Variants in NAAA observed in about 807,000 individuals in gnomAD.
The protein encoded by NAAA is N-acylethanolamine acid amidase.
NAAA carries 39 observed loss-of-function variants against 44.8 expected under a neutral mutation model. The observed-to-expected ratio is 0.87, with a 90% confidence interval of 0.67 to 1.14. The LOEUF (loss-of-function observed/expected upper bound fraction) is 1.14. NAAA is among the 50% of genes most tolerant of loss of function. The probability of loss-of-function intolerance (pLI) is 0.00; values close to 1 mark genes in which losing one functional copy is unlikely to be tolerated. For synonymous variants in NAAA, 178 were observed against 191.3 expected (o/e 0.93, Z 0.58); for missense variants, 460 against 467.8 (o/e 0.98, Z 0.15).
At chr4:75,924,610 C>T (rs896073384) in intron 5 of NAAA, among the ~76,000 whole-genome samples, 4 of 152,198 alleles carry the variant, frequency 2.6e-5, no homozygotes, top group Non-Finnish European at 2.9e-5. Flanking sequence ...AATGTGTTTG[C>T]TTTGCTAGTT....
chr4:75,921,355 C>T (rs572481563), intron 5 of NAAA, among the ~76,000 whole-genome samples: 1 of 152,232 alleles, frequency 6.6e-6, no homozygotes, highest in South Asian at 2.1e-4. Context: ...GAACTGTTGA[C>T]AAGCCCTAGG....
rs756840514 is a variant in NAAA at position 75,921,102 on chromosome 4, A to G, written c.688T>C (p.Phe230Leu). The G allele has an allele frequency of 9.5e-6, 15 of 1,583,154 alleles. No homozygotes were observed. Among genetic ancestry groups the G allele is most frequent in the Non-Finnish European group, 1.2e-5 (14 of 1,170,460 alleles). ...GCCAACTTGCCAACAGCTGCTTCGA[A>G]GTTTTCCGACTCACTCAGGGTCTGA... is the stretch of plus-strand genomic sequence containing the variant. ...IRATLSESEN[F>L]EAAVGKLAKT... Residue 230 changes from phenylalanine to leucine, a missense_variant, in exon 6 of 11, where the codon TTC becomes CTC. Physicochemically the swap from Phe to Leu is conservative, Grantham distance 22. Coordinates refer to ENST00000286733, the MANE Select transcript of NAAA (RefSeq NM_014435.4).
intron 4 of NAAA, among the ~76,000 whole-genome samples, chr4:75,929,311 T>G (rs1252594628): frequency 6.6e-6 from 1 of 152,200 alleles, no homozygotes; most frequent in African/African-American, 2.4e-5. Flanking sequence ...GAGGCATTGC[T>G]GGCACCCCCC....
rs1727723848 is a variant in NAAA, at chr4:75,936,403, G to A, written c.372-168C>T. On this transcript the variant is annotated intron_variant, in intron 2 of 10. Coordinates refer to ENST00000286733, the MANE Select transcript of NAAA (RefSeq NM_014435.4). ...AGAATATAGATTAACAATTCAAGATGAAAAACACAACTGGATACAACTCAT... is the reference window on the plus strand; with the variant it reads ...AGAATATAGATTAACAATTCAAGATAAAAAACACAACTGGATACAACTCAT... 2.6e-5 allele frequency among the ~76,000 whole-genome samples: 4 copies of A among 152,152 alleles called. No individual in the cohort carries two copies. In the South Asian group the frequency reaches 6.2e-4, roughly 24 times the overall value.
At chr4:75,940,352 G>T in intron 1 of NAAA, 187 bp from the exon 2 acceptor site, 1 of 613,048 alleles carries the variant, frequency 1.6e-6, no homozygotes, top group Non-Finnish European at 2.8e-6. Flanking sequence ...GGAAGGGGGC[G>T]GGGGGAAGGC....
intron 1 of NAAA, 91 bp downstream of exon 1, chr4:75,940,653 G>T: frequency 1.5e-6 from 2 of 1,328,482 alleles, no homozygotes; most frequent in Non-Finnish European, 2.0e-6. Context: ...GGAGTAAAGC[G>T]TCCCCGTTTA....
chr4:75,921,638 AGGG>A (rs1726174494), intron 5 of NAAA, among the ~76,000 whole-genome samples: 1 of 152,158 alleles, frequency 6.6e-6, no homozygotes. Context: ...ACGTCACAGT[AGGG>A]GTCCCATCCT....
chr4:75,925,037 G>A (rs1726533168), intron 5 of NAAA, among the ~76,000 whole-genome samples: 1 of 151,828 alleles, frequency 6.6e-6, no homozygotes, highest in Non-Finnish European at 1.5e-5. Context: ...TATTGACCAG[G>A]CTGGAGTTCA....
At chr4:75,935,411 C>G (rs573739487) in intron 3 of NAAA, 3 of 152,286 alleles carry the variant, frequency 2.0e-5, no homozygotes, top group African/African-American at 7.2e-5. Context: ...TTCTGTCTCT[C>G]TAAAAGTTTA....
At chr4:75,918,613 G>A (rs1056700912) in intron 9 of NAAA, 148 bp downstream of exon 9, 14 of 653,288 alleles carry the variant, frequency 2.1e-5, no homozygotes, top group African/African-American at 7.3e-5. Flanking sequence ...TGTTTTGCTC[G>A]CAGCTGTACC....
chr4:75,914,717 T>A (rs1331956413), intron 10 of NAAA, among the ~76,000 whole-genome samples, 151 bp downstream of exon 10: 1 of 152,132 alleles, frequency 6.6e-6, no homozygotes, highest in East Asian at 1.9e-4. Context: ...AAATAAAATA[T>A]CTAATGATGA....
chr4:75,925,332 G>C (rs1726572689), intron 5 of NAAA, among the ~76,000 whole-genome samples: 1 of 152,192 alleles, frequency 6.6e-6, no homozygotes, highest in African/African-American at 2.4e-5. Flanking sequence ...ACTGCGCCCT[G>C]CCTGGAGCAT....
intron 9 of NAAA, among the ~76,000 whole-genome samples, chr4:75,915,209 T>C (rs78046578): frequency 0.087 from 13,253 of 152,090 alleles, 1,011 homozygotes; most frequent in African/African-American, 0.2. Flanking sequence ...CTTAATTAGC[T>C]GGGTGTGGTG....
chr4:75,925,155 C>T (rs1431811856), intron 5 of NAAA, among the ~76,000 whole-genome samples: 1 of 152,162 alleles, frequency 6.6e-6, no homozygotes, highest in Non-Finnish European at 1.5e-5. Context: ...CCTGCCTTAG[C>T]CTCGCGAGTA....
At chr4:75,925,431 C>T (rs763958842) in intron 5 of NAAA, among the ~76,000 whole-genome samples, 5 of 152,172 alleles carry the variant, frequency 3.3e-5, no homozygotes, top group Non-Finnish European at 7.4e-5. Context: ...CTATCCTAAG[C>T]TCCTTGTTCC....
chr4:75,923,251 T>G (rs972924214), intron 5 of NAAA, among the ~76,000 whole-genome samples: 1 of 152,174 alleles, frequency 6.6e-6, no homozygotes, highest in South Asian at 2.1e-4. Context: ...GCATATGGAT[T>G]TTTTTTCTTT....
At chr4:75,939,187 C>G (rs1406218944) in intron 2 of NAAA, among the ~76,000 whole-genome samples, 2 of 152,030 alleles carry the variant, frequency 1.3e-5, no homozygotes, top group Non-Finnish European at 2.9e-5. Flanking sequence ...CTTCCCGGTC[C>G]AAACACTGGC....
intron 5 of NAAA, among the ~76,000 whole-genome samples, 195 bp downstream of exon 5, chr4:75,925,540 C>T (rs756709836): frequency 2.0e-5 from 3 of 152,254 alleles, no homozygotes; most frequent in Non-Finnish European, 4.4e-5. Context: ...TGATTACAAT[C>T]TGTCCTTACC....
At chr4:75,922,830 C>T (rs534913958) in intron 5 of NAAA, among the ~76,000 whole-genome samples, 1 of 152,274 alleles carries the variant, frequency 6.6e-6, no homozygotes, top group Non-Finnish European at 1.5e-5. Context: ...GCTTATGTTG[C>T]CTATACCATC....
Sources: allele counts gnomAD v4.1 joint callset (sites outside exome capture counted in the v4.1 genomes callset), GRCh38; gene constraint gnomAD v4.1.1; transcripts MANE v1.5; gene names NCBI Gene and HGNC (gene_info 2026-07-23, HGNC 2026-07-21).